HDLBP: variants seen among roughly 807,000 people sequenced by gnomAD.
The protein encoded by HDLBP is vigilin.
In HDLBP, 30 loss-of-function variants were observed where a neutral mutation model predicts 137.3. That is an observed-to-expected ratio of 0.22 (90% CI 0.16 to 0.30). The LOEUF (loss-of-function observed/expected upper bound fraction) is 0.30, where lower values mean the gene tolerates loss of function less well. HDLBP is among the 10% of genes least tolerant of loss of function. The pLI is 1.00. For synonymous variants in HDLBP, 606 were observed against 596.0 expected (o/e 1.02, Z -0.24); for missense variants, 1,119 against 1,667.3 (o/e 0.67, Z 5.73).
At chr2:241,308,261 C>A (rs949776227) in intron 1 of HDLBP, among the ~76,000 whole-genome samples, 1 of 152,222 alleles carries the variant, frequency 6.6e-6, no homozygotes, top group African/African-American at 2.4e-5. Context: ...AATCCGTCGT[C>A]CACCTTTCTA....
intron 10 of HDLBP, 68 bp from the exon 11 acceptor site, chr2:241,253,103 A>G: frequency 3.4e-6 from 4 of 1,169,074 alleles, no homozygotes; most frequent in Non-Finnish European, 5.1e-6. Flanking sequence ...ACCAAAACCC[A>G]GCAGTCTCCA....
chr2:241,239,885 G>A lies in HDLBP; in HGVS notation c.2391+16C>T, dbSNP rs758806334. 32 of 1,612,852 alleles carry A rather than the reference G, an allele frequency of 2.0e-5. 1 individual carries two copies. The highest frequency in any genetic ancestry group is 7.7e-5 in the South Asian group (7 of 91,084). ...CACGGCCCCAGCAGAGTCGGCCGCC[G>A]AGGCCCGCTCCCTACCAGGTTTTGG... On this transcript the variant is annotated intron_variant, in intron 18 of 27. Transcript: ENST00000310931. The surrounding 1 kb of genome is among the most constrained non-coding windows in gnomAD (Gnocchi z 4.6).
chr2:241,279,519 GGACA>G (rs2074520786), intron 1 of HDLBP, among the ~76,000 whole-genome samples: 1 of 152,166 alleles, frequency 6.6e-6, no homozygotes. Context: ...CTAGTGCCGG[GGACA>G]GACACAGAGA....
At chr2:241,236,351 A>C in intron 21 of HDLBP, 1 of 511,380 alleles carries the variant, frequency 2.0e-6, no homozygotes, top group Non-Finnish European at 3.5e-6. Flanking sequence ...CCCCGCACCC[A>C]CCGTGGGCCT....
chr2:241,230,162 C>T lies in HDLBP; in HGVS notation c.3582G>A (p.Glu1194=), dbSNP rs911251487. ...EEAIDHILNL[E]EEYLADVVDS... is the part of the protein sequence containing the mutation. The stretch of plus-strand genomic sequence containing the variant: ...GCCCACAGAGACTCACGTATTCCTC[C>T]TCCAGATTGAGGATGTGGTCGATGG... The change falls in exon 26 of 28, where the codon GAG becomes GAA. Residue 1194 remains glutamate, a synonymous_variant. Transcript: ENST00000310931. The surrounding 1 kb of genome is among the most constrained non-coding windows in gnomAD (Gnocchi z 5.0). 4.3e-6 allele frequency: 7 copies of T among 1,612,550 alleles called. No homozygotes were observed. In the Admixed American group the frequency reaches 1.0e-4, roughly 23 times the overall value.
chr2:241,237,225 G>C (rs950768469), intron 20 of HDLBP, among the ~76,000 whole-genome samples: 3 of 152,212 alleles, frequency 2.0e-5, no homozygotes, highest in African/African-American at 4.8e-5. Flanking sequence ...CAGTGGGAAG[G>C]GGGGTGAGAG....
chr2:241,312,825 G>C (rs1157455521), intron 1 of HDLBP, among the ~76,000 whole-genome samples: 1 of 152,180 alleles, frequency 6.6e-6, no homozygotes, highest in East Asian at 1.9e-4. Flanking sequence ...TATGACCCAC[G>C]AAGGATCGTA....
chr2:241,276,763 C>A (rs2074401679), intron 1 of HDLBP, among the ~76,000 whole-genome samples: 1 of 152,086 alleles, frequency 6.6e-6, no homozygotes, highest in Non-Finnish European at 1.5e-5. Context: ...TTACATGTAT[C>A]TAATAACATA....
At chr2:241,248,434 G>A in intron 12 of HDLBP, 86 bp from the exon 13 acceptor site, 2 of 1,093,334 alleles carry the variant, frequency 1.8e-6, no homozygotes, top group Admixed American at 1.7e-5. Context: ...AGGGAGCCCT[G>A]GGCACAGTCC....
rs1011166197 is a variant in HDLBP, at chr2:241,227,349, G to A, written c.*2252C>T. The stretch of plus-strand genomic sequence containing the variant: ...ATTCCAGTGTCATCCATATTCATGA[G>A]CCTTTACACATGTTTGCATATAATC... On this transcript the variant is annotated 3_prime_UTR_variant, in exon 28 of 28. Coordinates refer to ENST00000310931, the MANE Select transcript of HDLBP (RefSeq NM_005336.6). The A allele has an allele frequency of 1.3e-5, 2 of 152,540 alleles. No individual in the cohort carries two copies. Among genetic ancestry groups the A allele is most frequent in the African/African-American group, 2.4e-5 (1 of 41,450 alleles). 9.4% of individuals were successfully genotyped at this position (152,540 alleles called of 1,614,324 possible).
At chr2:241,259,913 A>C (rs368955160) in intron 5 of HDLBP, among the ~76,000 whole-genome samples, 21 of 152,232 alleles carry the variant, frequency 1.4e-4, no homozygotes, top group African/African-American at 5.1e-4. Flanking sequence ...CAGAGTTCAG[A>C]GAGAAACAGC....
chr2:241,312,351 G>A (rs914450127), intron 1 of HDLBP, among the ~76,000 whole-genome samples: 1 of 151,982 alleles, frequency 6.6e-6, no homozygotes, highest in South Asian at 2.1e-4. Context: ...AGCCTACTAG[G>A]GATTTCACTT....
intron 1 of HDLBP, among the ~76,000 whole-genome samples, chr2:241,310,765 C>T (rs948731178): frequency 7.2e-5 from 11 of 152,094 alleles, no homozygotes; most frequent in Non-Finnish European, 1.2e-4. Context: ...GTAGGCAAGA[C>T]GATGGATGAA....
intron 5 of HDLBP, among the ~76,000 whole-genome samples, chr2:241,261,504 T>C (rs11678750): frequency 0.32 from 48,302 of 152,102 alleles, 8,405 homozygotes; most frequent in East Asian, 0.51. Flanking sequence ...CTGAAGATAA[T>C]TGAGGAGTAG....
chr2:241,252,247 A>T (rs2072257739), intron 11 of HDLBP, among the ~76,000 whole-genome samples: 1 of 151,526 alleles, frequency 6.6e-6, no homozygotes. Flanking sequence ...CACACTTTTA[A>T]TCCCAGCACC....
chr2:241,267,419 AG>A (rs1428813337), intron 2 of HDLBP, among the ~76,000 whole-genome samples: 2 of 152,036 alleles, frequency 1.3e-5, no homozygotes, highest in Non-Finnish European at 2.9e-5. Context: ...TCTCCACCCC[AG>A]GGGCCACAGA....
At position 241,233,861 on chromosome 2, in the gene HDLBP, C is replaced by T; in HGVS notation, c.3247G>A (p.Asp1083Asn). Residue 1083 changes from aspartate (D) to asparagine (N), a missense_variant, in exon 24 of 28, where the codon GAC becomes AAC. Asp to Asn is a conservative substitution (Grantham distance 23, BLOSUM62 1). Coordinates refer to ENST00000310931, the MANE Select transcript of HDLBP (RefSeq NM_005336.6). The surrounding 1 kb of genome is among the most constrained non-coding windows in gnomAD (Gnocchi z 4.3). ...TTATCAGGAAACTGGATGTTCACGTCATGCTCCAACCGGATTTGGGTAATT... is the reference window on the plus strand; with the variant it reads ...TTATCAGGAAACTGGATGTTCACGTTATGCTCCAACCGGATTTGGGTAATT... ...AVITQIRLEH[D>N]VNIQFPDKDD... 1 of 1,614,234 alleles carries T rather than the reference C, an allele frequency of 6.2e-7. No homozygotes were observed. The highest frequency in any genetic ancestry group is 1.1e-5 in the South Asian group (1 of 91,084).
chr2:241,289,786 G>A (rs926449941), intron 1 of HDLBP, among the ~76,000 whole-genome samples: 65 of 152,130 alleles, frequency 4.3e-4, no homozygotes, highest in African/African-American at 1.6e-3. Flanking sequence ...TGGCACCAAA[G>A]GTAAGGAGTG....
chr2:241,267,287 T>A (rs74000624), intron 2 of HDLBP, among the ~76,000 whole-genome samples: 9,231 of 152,164 alleles, frequency 0.061, 952 homozygotes, highest in African/African-American at 0.21. Context: ...TTGGGCCATG[T>A]TCAAAGCTGT....
Sources: allele counts gnomAD v4.1 joint callset (sites outside exome capture counted in the v4.1 genomes callset), GRCh38; gene constraint gnomAD v4.1.1; non-coding constraint Gnocchi (gnomAD v3.1); transcripts MANE v1.5; gene names NCBI Gene and HGNC (gene_info 2026-07-23, HGNC 2026-07-21).